ELMO1: variants seen among roughly 807,000 people sequenced by gnomAD.
ELMO1 encodes engulfment and cell motility protein 1.
Under a neutral mutation model 98.9 loss-of-function variants are expected in ELMO1, and 26 were observed. The observed-to-expected ratio is 0.26, with a 90% CI of 0.19 to 0.36. The LOEUF (loss-of-function observed/expected upper bound fraction) is 0.36, where lower values mean the gene tolerates loss of function less well. Among genes scored for constraint, ELMO1 ranks in the 10% least tolerant of loss-of-function variants. The pLI, the probability that ELMO1 is intolerant of heterozygous loss-of-function variation, is 1.00. For missense variants in ELMO1, 627 were observed against 935.2 expected, an observed-to-expected ratio of 0.67 and a Z score of 4.30; for synonymous variants, 346 against 346.0, an observed-to-expected ratio of 1.00 and a Z score of 0.00.
chr7:37,180,950 T>A (rs1790826915), intron 13 of ELMO1, among the ~76,000 whole-genome samples: 2 of 152,140 alleles, frequency 1.3e-5, no homozygotes, highest in African/African-American at 2.4e-5. Context: ...ATTCTTGTAA[T>A]TTTTTTCCTA....
chr7:37,413,896 T>A (rs1266914007), intron 1 of ELMO1, among the ~76,000 whole-genome samples: 1 of 152,106 alleles, frequency 6.6e-6, no homozygotes, highest in African/African-American at 2.4e-5. Flanking sequence ...TATTCTGGTC[T>A]GGAACTCCTG....
chr7:36,897,269 T>C (rs1034698221), intron 16 of ELMO1, among the ~76,000 whole-genome samples: 6 of 150,686 alleles, frequency 4.0e-5, no homozygotes, highest in South Asian at 2.1e-4. Context: ...TCCCTTCACA[T>C]ATAGGAAAGG....
At chr7:37,262,308 T>C (rs1382443637) in intron 5 of ELMO1, among the ~76,000 whole-genome samples, 1 of 152,122 alleles carries the variant, frequency 6.6e-6, no homozygotes, top group Non-Finnish European at 1.5e-5. Flanking sequence ...GCTATAGAAA[T>C]TGAAAATATT....
At chr7:36,996,304 G>C (rs1452503315) in intron 16 of ELMO1, among the ~76,000 whole-genome samples, 1 of 152,110 alleles carries the variant, frequency 6.6e-6, no homozygotes, top group Non-Finnish European at 1.5e-5. Flanking sequence ...GTTTGTCCTA[G>C]AGTGTGCTTT....
At chr7:36,960,602 C>T (rs1194889535) in intron 16 of ELMO1, among the ~76,000 whole-genome samples, 1 of 151,920 alleles carries the variant, frequency 6.6e-6, no homozygotes, top group Admixed American at 6.6e-5. Flanking sequence ...CCCCCCATCC[C>T]CCCCACTCAC....
At chr7:36,948,228 A>G (rs931762986) in intron 16 of ELMO1, among the ~76,000 whole-genome samples, 1 of 152,126 alleles carries the variant, frequency 6.6e-6, no homozygotes, top group Non-Finnish European at 1.5e-5. Flanking sequence ...AGGGGTAGAC[A>G]ATGGGCGGGG....
intron 13 of ELMO1, among the ~76,000 whole-genome samples, chr7:37,198,717 G>A (rs1242653559): frequency 6.6e-6 from 1 of 152,224 alleles, no homozygotes; most frequent in Non-Finnish European, 1.5e-5. Context: ...CTGCTGGATG[G>A]TGCCCTTTTG....
intron 4 of ELMO1, among the ~76,000 whole-genome samples, chr7:37,308,962 G>C (rs192214010): frequency 3.5e-4 from 54 of 152,134 alleles, no homozygotes; most frequent in African/African-American, 1.3e-3. Context: ...TGTTAGGCAT[G>C]TTAGGCAGCA....
At chr7:37,380,117 C>A (rs563297759) in intron 1 of ELMO1, among the ~76,000 whole-genome samples, 1 of 152,186 alleles carries the variant, frequency 6.6e-6, no homozygotes, top group African/African-American at 2.4e-5. Flanking sequence ...GGCATAAAAT[C>A]CAAGCTGTCC....
intron 14 of ELMO1, among the ~76,000 whole-genome samples, chr7:37,132,567 T>G (rs1388985603): frequency 6.6e-6 from 1 of 152,176 alleles, no homozygotes; most frequent in Non-Finnish European, 1.5e-5. Flanking sequence ...CAATGCCCAG[T>G]CAGCGGATGG....
At chr7:37,083,476 T>TGGAGAATGGAGTATATGGAAATATA (rs1783586154) in intron 15 of ELMO1, among the ~76,000 whole-genome samples, 6 of 151,804 alleles carry the variant, frequency 4.0e-5, no homozygotes, top group Admixed American at 3.9e-4. Flanking sequence ...CCTTACTCAC[T>TGGAGAATGGAGTATATGGAAATATA]CTATAAAAAA....
intron 8 of ELMO1, among the ~76,000 whole-genome samples, chr7:37,232,733 C>T (rs1794246722): frequency 6.6e-6 from 1 of 152,152 alleles, no homozygotes. Flanking sequence ...TTCCTTTTCC[C>T]TGGACACCAG....
intron 14 of ELMO1, among the ~76,000 whole-genome samples, chr7:37,104,605 A>C (rs541631687): frequency 6.6e-6 from 1 of 152,346 alleles, no homozygotes; most frequent in Admixed American, 6.5e-5. Flanking sequence ...GGTCACCTAG[A>C]GAGAGGCGGC....
intron 7 of ELMO1, among the ~76,000 whole-genome samples, chr7:37,236,481 T>C (rs1335134877): frequency 6.6e-6 from 1 of 152,188 alleles, no homozygotes; most frequent in Admixed American, 6.5e-5. Flanking sequence ...TCTTGATCTA[T>C]CTAATGACAT....
Position 37,116,978 on chromosome 7 carries a change from A to C in ELMO1, c.1191+16152T>G, listed in dbSNP as rs541829259. On this transcript the variant is annotated intron_variant, in intron 14 of 21. Coordinates refer to ENST00000310758, the MANE Select transcript of ELMO1 (RefSeq NM_014800.11). ...AGGATATTTGGAGAGGCCCAGTGAGAGGCATCTCCATCAAGTTGTGGGAGG... is the reference window on the plus strand; with the variant it reads ...AGGATATTTGGAGAGGCCCAGTGAGCGGCATCTCCATCAAGTTGTGGGAGG... 2.3e-5 allele frequency: 5 copies of C among 213,114 alleles called. No individual in the cohort carries two copies. In the South Asian group the frequency reaches 4.4e-4, roughly 19 times the overall value. The allele number at this position is 213,114 out of a possible 1,614,324, so 13.2% of individuals were successfully genotyped here. A position where few individuals can be genotyped will look rare whatever the true frequency, so the allele number is the denominator to read the frequency against.
At chr7:37,434,636 C>T (rs1805070617) in intron 1 of ELMO1, among the ~76,000 whole-genome samples, 1 of 152,200 alleles carries the variant, frequency 6.6e-6, no homozygotes, top group South Asian at 2.1e-4. Flanking sequence ...ACTCTTCAGT[C>T]ACTTCCCTTT....
chr7:37,038,142 C>T (rs1232956575), intron 15 of ELMO1, among the ~76,000 whole-genome samples: 2 of 152,154 alleles, frequency 1.3e-5, no homozygotes, highest in Non-Finnish European at 2.9e-5. Context: ...ACAAAACAAG[C>T]ATTGGTCCCG....
intron 6 of ELMO1, among the ~76,000 whole-genome samples, chr7:37,257,911 A>T (rs1795766126): frequency 6.6e-6 from 1 of 151,554 alleles, no homozygotes; most frequent in South Asian, 2.1e-4. Context: ...AGGCAGGCAG[A>T]TCATTTGAGG....
chr7:36,876,846 A>G (rs1804025831), intron 19 of ELMO1, among the ~76,000 whole-genome samples: 1 of 152,226 alleles, frequency 6.6e-6, no homozygotes, highest in Non-Finnish European at 1.5e-5. Context: ...ATTTCTTTCT[A>G]TAACCCCTGA....
Sources: gnomAD v4.1 joint callset for allele counts (sites outside exome capture counted in the v4.1 genomes callset) on GRCh38, gnomAD v4.1.1 for gene constraint, MANE v1.5 for transcripts, NCBI Gene and HGNC (gene_info 2026-07-23, HGNC 2026-07-21) for gene names.